ROBO1: variants seen among roughly 807,000 people sequenced by gnomAD.
ROBO1 encodes the protein roundabout guidance receptor 1, also known as roundabout homolog 1.
Under a neutral mutation model 195.9 loss-of-function variants are expected in ROBO1, and 149 were observed. The ratio of observed to expected loss-of-function variants is 0.76; its 90% CI spans 0.67 to 0.87. The LOEUF (loss-of-function observed/expected upper bound fraction) is 0.87. Among genes scored for constraint, ROBO1 ranks in the 40% least tolerant of loss-of-function variants. The pLI, the probability that ROBO1 is intolerant of heterozygous loss-of-function variation, is 0.00. For missense variants in ROBO1, 1,933 were observed against 2,068.3 expected (o/e 0.93, Z 1.27); for synonymous variants, 816 against 733.2 (o/e 1.11, Z -1.82).
intron 1 of ROBO1, among the ~76,000 whole-genome samples, chr3:79,736,687 C>T (rs1256560109): frequency 6.6e-6 from 1 of 152,140 alleles, no homozygotes. Context: ...TGAGATCATC[C>T]AAGTTGATGT....
At chr3:79,059,088 C>T (rs2078866028) in intron 3 of ROBO1, among the ~76,000 whole-genome samples, 1 of 152,024 alleles carries the variant, frequency 6.6e-6, no homozygotes, top group Non-Finnish European at 1.5e-5. Context: ...GGTAGTGAGT[C>T]TCGAATATTG....
intron 14 of ROBO1, among the ~76,000 whole-genome samples, chr3:78,667,211 C>G (rs1171317650): frequency 6.6e-6 from 1 of 151,910 alleles, no homozygotes; most frequent in Non-Finnish European, 1.5e-5. Context: ...AGATTGTACA[C>G]CTACATGTTA....
chr3:79,544,255 A>T (rs1942181886), intron 2 of ROBO1, among the ~76,000 whole-genome samples: 1 of 151,938 alleles, frequency 6.6e-6, no homozygotes, highest in Non-Finnish European at 1.5e-5. Context: ...ACATTAATAT[A>T]TATATTTTCT....
chr3:79,606,543 G>A (rs969572879), intron 1 of ROBO1, among the ~76,000 whole-genome samples: 1 of 151,886 alleles, frequency 6.6e-6, no homozygotes, highest in South Asian at 2.1e-4. Context: ...CTTCTGAGTA[G>A]CTGGCACTAC....
chr3:79,444,520 A>C (rs11915946), intron 2 of ROBO1, among the ~76,000 whole-genome samples: 2,966 of 152,246 alleles, frequency 0.019, 83 homozygotes, highest in African/African-American at 0.066. Context: ...AAGAGTGGAA[A>C]TTTAAACAAC....
At chr3:78,797,861 T>G (rs2084232431) in intron 4 of ROBO1, among the ~76,000 whole-genome samples, 1 of 152,166 alleles carries the variant, frequency 6.6e-6, no homozygotes, top group African/African-American at 2.4e-5. Flanking sequence ...GGGATGATAT[T>G]ACAAAATAAA....
chr3:79,744,702 T>A (rs1703795194), intron 1 of ROBO1, among the ~76,000 whole-genome samples: 1 of 152,106 alleles, frequency 6.6e-6, no homozygotes, highest in Non-Finnish European at 1.5e-5. Flanking sequence ...AAGGCCAAGG[T>A]GACTAAGATA....
intron 4 of ROBO1, among the ~76,000 whole-genome samples, chr3:78,883,329 C>CCAA (rs2036297693): frequency 6.6e-6 from 1 of 152,020 alleles, no homozygotes; most frequent in Non-Finnish European, 1.5e-5. Flanking sequence ...CCAAATGCTT[C>CCAA]TTTACATCAA....
chr3:79,541,829 G>GTA (rs59303805), intron 2 of ROBO1, among the ~76,000 whole-genome samples: 30 of 57,948 alleles, frequency 5.2e-4, no homozygotes, highest in South Asian at 1.6e-3. Flanking sequence ...GTGTGTGTGT[G>GTA]TATATATATA....
intron 3 of ROBO1, among the ~76,000 whole-genome samples, chr3:79,041,626 A>G (rs908680080): frequency 6.6e-6 from 1 of 152,228 alleles, no homozygotes; most frequent in Admixed American, 6.5e-5. Context: ...TTAAGCTAGC[A>G]TAGTTTGGCT....
chr3:79,220,384 G>T (rs2082116973), intron 2 of ROBO1, among the ~76,000 whole-genome samples: 1 of 152,010 alleles, frequency 6.6e-6, no homozygotes. Context: ...AGACTCTGTT[G>T]TGTTCTCCAC....
chr3:78,912,923 G>C (rs569575639), intron 4 of ROBO1, among the ~76,000 whole-genome samples: 1 of 152,172 alleles, frequency 6.6e-6, no homozygotes. Flanking sequence ...CTGCCCTCTT[G>C]AACGTCCAAT....
At chr3:79,365,326 A>G (rs2035928962) in intron 2 of ROBO1, among the ~76,000 whole-genome samples, 1 of 152,106 alleles carries the variant, frequency 6.6e-6, no homozygotes, top group African/African-American at 2.4e-5. Context: ...GCACATCCGT[A>G]CCAATTCACA....
chr3:78,909,528 A>G (rs1291743254), intron 4 of ROBO1, among the ~76,000 whole-genome samples: 1 of 151,834 alleles, frequency 6.6e-6, no homozygotes, highest in Non-Finnish European at 1.5e-5. Flanking sequence ...AAGCATAACA[A>G]GCATCTTTTA....
chr3:79,703,672 G>A (rs1300344640), intron 1 of ROBO1, among the ~76,000 whole-genome samples: 4 of 151,870 alleles, frequency 2.6e-5, no homozygotes, highest in Non-Finnish European at 5.9e-5. Context: ...TCTCTTATAT[G>A]AACTAACTTA....
chr3:79,478,645 C>T (rs2107363391), intron 2 of ROBO1, among the ~76,000 whole-genome samples: 1 of 152,206 alleles, frequency 6.6e-6, no homozygotes, highest in Non-Finnish European at 1.5e-5. Context: ...TTATTTTACT[C>T]ATTTTTCTTC....
At chr3:78,957,436 C>T (rs2041106013) in intron 3 of ROBO1, among the ~76,000 whole-genome samples, 1 of 152,128 alleles carries the variant, frequency 6.6e-6, no homozygotes, top group Non-Finnish European at 1.5e-5. Flanking sequence ...TTAATCAATG[C>T]ATATGCACTT....
intron 3 of ROBO1, among the ~76,000 whole-genome samples, chr3:79,000,543 T>C (rs1179860715): frequency 6.6e-6 from 1 of 152,146 alleles, no homozygotes; most frequent in African/African-American, 2.4e-5. Flanking sequence ...TCACTGGTCA[T>C]TAGAGAAATG....
intron 1 of ROBO1, among the ~76,000 whole-genome samples, chr3:79,765,722 T>G (rs1704949142): frequency 6.6e-6 from 1 of 151,916 alleles, no homozygotes; most frequent in South Asian, 2.1e-4. Flanking sequence ...GAGGAAAAAA[T>G]GAAATGGCAT....
Sources: allele counts gnomAD v4.1 joint callset (sites outside exome capture counted in the v4.1 genomes callset), GRCh38; gene constraint gnomAD v4.1.1; transcripts MANE v1.5; gene names NCBI Gene and HGNC (gene_info 2026-07-23, HGNC 2026-07-21).